The following DUSP22 variants were observed in gnomAD, a reference collection of about 807,000 sequenced individuals.
The protein encoded by DUSP22 is dual specificity protein phosphatase 22.
Under a neutral mutation model 24.5 loss-of-function variants are expected in DUSP22, and 24 were observed. The observed-to-expected ratio is 0.98, with a 90% CI of 0.71 to 1.38. The LOEUF (loss-of-function observed/expected upper bound fraction) is 1.38, where lower values mean the gene tolerates loss of function less well. Ranked by LOEUF, DUSP22 falls within the 40% of genes most tolerant of loss-of-function variation. The pLI is 0.00. For missense variants in DUSP22, 330 were observed against 269.2 expected, an observed-to-expected ratio of 1.23 and a Z score of -1.58; for synonymous variants, 160 against 106.4, an observed-to-expected ratio of 1.50 and a Z score of -3.10.
intron 3 of DUSP22, among the ~76,000 whole-genome samples, chr6:326,375 T>C (rs1758871089): frequency 7.1e-6 from 1 of 141,668 alleles, no homozygotes; most frequent in Non-Finnish European, 1.5e-5. Context: ...TGCTGGTGCC[T>C]GGAGTCATCT....
rs372511254 is a variant in DUSP22 at position 348,879 on chromosome 6, C to A, written c.546C>A (p.Pro182=). ...AGCAAGGGCGCACAGAGCCCCAGCCCGGCGCCAGGCGGTGGAGCAGTTTTC... is the reference window on the plus strand; with the variant it reads ...AGCAAGGGCGCACAGAGCCCCAGCCAGGCGCCAGGCGGTGGAGCAGTTTTC... ...YKEQGRTEPQ[P]GARRWSSFPA... The change falls in exon 7 of 7, where the codon CCC becomes CCA. Residue 182 remains proline (P), a synonymous_variant. Coordinates refer to ENST00000419235, the MANE Select transcript of DUSP22 (RefSeq NM_001286555.3). The A allele has an allele frequency of 3.8e-5, 61 of 1,614,076 alleles. No homozygotes were observed. The Middle Eastern group carries it at 5.4e-3, about 144-fold the overall frequency.
chr6:341,730 A>G (rs1254959158), intron 4 of DUSP22, among the ~76,000 whole-genome samples: 1 of 152,304 alleles, frequency 6.6e-6, no homozygotes, highest in South Asian at 2.1e-4. Flanking sequence ...GGTGGTGGAT[A>G]GGAGCTATGT....
At chr6:298,432 T>C (rs1343197620) in intron 1 of DUSP22, among the ~76,000 whole-genome samples, 1 of 152,404 alleles carries the variant, frequency 6.6e-6, no homozygotes, top group South Asian at 2.1e-4. Flanking sequence ...TGCTCAGGAG[T>C]TTACTTCTCA....
In DUSP22 at chr6:350,084, C is replaced by T. The variant is rs1471494971; in HGVS notation, c.*1133C>T. The T allele has an allele frequency of 1.3e-5, 13 of 985,706 alleles. No homozygotes were observed. The highest frequency in any genetic ancestry group is 1.6e-5 in the Non-Finnish European group (13 of 830,068). 61.1% of individuals were successfully genotyped at this position (985,706 alleles called of 1,614,324 possible). On this transcript the variant is annotated 3_prime_UTR_variant, in exon 7 of 7. Coordinates refer to ENST00000419235, the MANE Select transcript of DUSP22 (RefSeq NM_001286555.3). Reference sequence around the variant, plus strand: ...TATTCACTTGGGTTTGATAATTGATCTGAGCTACCTCATTGAATGTTTTTG... The same window carrying T: ...TATTCACTTGGGTTTGATAATTGATTTGAGCTACCTCATTGAATGTTTTTG...
intron 5 of DUSP22, 88 bp from the exon 6 acceptor site, chr6:348,015 C>A: frequency 6.4e-7 from 1 of 1,561,134 alleles, no homozygotes; most frequent in South Asian, 1.2e-5. Context: ...TGAACAAGGT[C>A]CTTAGAGTCC....
chr6:310,619 C>T (rs971746322), intron 2 of DUSP22, among the ~76,000 whole-genome samples: 5 of 152,296 alleles, frequency 3.3e-5, no homozygotes, highest in Non-Finnish European at 7.3e-5. Flanking sequence ...CAGAACTGTC[C>T]CTGCTTTTGA....
chr6:315,894 G>A (rs1425096474), intron 3 of DUSP22, among the ~76,000 whole-genome samples: 4 of 152,306 alleles, frequency 2.6e-5, no homozygotes, highest in Admixed American at 6.5e-5. Context: ...CGTTGTAGCT[G>A]CTTTATAAAT....
intron 3 of DUSP22, among the ~76,000 whole-genome samples, chr6:316,793 C>G (rs1330232746): frequency 1.3e-5 from 2 of 152,304 alleles, no homozygotes; most frequent in African/African-American, 4.8e-5. Flanking sequence ...CTTCACTAAG[C>G]TTCTAACATG....
At chr6:315,189 A>G (rs1477599924) in intron 3 of DUSP22, among the ~76,000 whole-genome samples, 1 of 152,306 alleles carries the variant, frequency 6.6e-6, no homozygotes, top group African/African-American at 2.4e-5. Flanking sequence ...CAGAATGAAG[A>G]TCTTAGAAAC....
rs843808 is a variant in DUSP22 at position 316,002 on chromosome 6, C to A, written c.138+4040C>A. Among the ~76,000 whole-genome samples, 9 of 152,422 alleles carry A rather than the reference C, an allele frequency of 5.9e-5. No homozygotes were observed. In the East Asian group the frequency reaches 1.2e-3, roughly 20 times the overall value. On this transcript the variant is annotated intron_variant, in intron 3 of 6. Transcript: ENST00000419235. ...CCCAGAGAATGAGATCCTTCTTCTG[C>A]CGTTGAATCTGGAGACATTTGACTG...
chr6:309,306 A>G (rs1406262809), intron 2 of DUSP22, among the ~76,000 whole-genome samples: 1 of 152,306 alleles, frequency 6.6e-6, no homozygotes, highest in Non-Finnish European at 1.5e-5. Flanking sequence ...TAAAGGGCTC[A>G]TGTTCCTCGT....
At position 346,000 on chromosome 6, in the gene DUSP22, C is replaced by T. The variant is rs577510262; in HGVS notation, c.263+72C>T. 624 of 1,576,690 alleles carry T rather than the reference C, an allele frequency of 4.0e-4. No homozygotes were observed. In the East Asian group the frequency reaches 0.012, roughly 30 times the overall value. On this transcript the variant is annotated intron_variant, in intron 5 of 6. Coordinates refer to ENST00000419235, the MANE Select transcript of DUSP22 (RefSeq NM_001286555.3). Reference sequence around the variant, plus strand: ...CTTGGCTTCCCATCAAGTGTTTTTCCGTGTGTGAATAATGGTTTCACCTCC... The same window carrying T: ...CTTGGCTTCCCATCAAGTGTTTTTCTGTGTGTGAATAATGGTTTCACCTCC...
chr6:345,314 A>G (rs1207741756), intron 4 of DUSP22, among the ~76,000 whole-genome samples: 2 of 152,344 alleles, frequency 1.3e-5, no homozygotes, highest in African/African-American at 4.8e-5. Flanking sequence ...GGTTCAAGAA[A>G]TTCTCCTACC....
At chr6:342,597 A>T (rs975393161) in intron 4 of DUSP22, among the ~76,000 whole-genome samples, 9 of 152,306 alleles carry the variant, frequency 5.9e-5, no homozygotes, top group African/African-American at 2.2e-4. Flanking sequence ...CTAGTTGCTG[A>T]TATCAGGTAG....
At chr6:324,143 C>T (rs1366796406) in intron 3 of DUSP22, among the ~76,000 whole-genome samples, 1 of 152,306 alleles carries the variant, frequency 6.6e-6, no homozygotes, top group Admixed American at 6.5e-5. Context: ...CAGCAGTGGG[C>T]TTGCAGCCGC....
chr6:304,196 A>G (rs1010066293), intron 1 of DUSP22, among the ~76,000 whole-genome samples: 4 of 152,290 alleles, frequency 2.6e-5, no homozygotes, highest in African/African-American at 4.8e-5. Context: ...CCGGGGGCCA[A>G]CCCTGGACTT....
intron 2 of DUSP22, among the ~76,000 whole-genome samples, chr6:307,486 C>G (rs1179314698): frequency 2.0e-5 from 3 of 152,306 alleles, no homozygotes; most frequent in Admixed American, 1.3e-4. Context: ...ACAAACAAAC[C>G]CAGCTCTGGA....
At chr6:311,796 G>GA in intron 2 of DUSP22, 84 bp from the exon 3 acceptor site, 1 of 1,309,978 alleles carries the variant, frequency 7.6e-7, no homozygotes, top group Non-Finnish European at 1.1e-6. Flanking sequence ...TCATTTTGTG[G>GA]GTTTTTTTTT....
chr6:336,573 G>A (rs1465615252), intron 4 of DUSP22, among the ~76,000 whole-genome samples: 3 of 152,310 alleles, frequency 2.0e-5, no homozygotes, highest in African/African-American at 7.2e-5. Context: ...TAGAGCTGGA[G>A]TAAGATGGGT....
Sources: allele counts gnomAD v4.1 joint callset (sites outside exome capture counted in the v4.1 genomes callset), GRCh38; gene constraint gnomAD v4.1.1; transcripts MANE v1.5; gene names NCBI Gene and HGNC (gene_info 2026-07-23, HGNC 2026-07-21).